Variants in NAT1 observed in about 807,000 individuals in gnomAD.
The protein encoded by NAT1 is arylamine N-acetyltransferase 1.
For synonymous variants in NAT1, 144 were observed against 122.6 expected (o/e 1.17, Z -1.16); for missense variants, 400 against 339.2 (o/e 1.18, Z -1.41).
intron 1 of NAT1, among the ~76,000 whole-genome samples, chr8:18,210,585 T>C (rs967201135): frequency 6.6e-6 from 1 of 152,216 alleles, no homozygotes; most frequent in South Asian, 2.1e-4. Context: ...TCTTGGTTAC[T>C]TGTAACAGTG....
intron 2 of NAT1, among the ~76,000 whole-genome samples, chr8:18,203,296 G>A (rs1803556730): frequency 6.6e-6 from 1 of 152,180 alleles, no homozygotes; most frequent in Non-Finnish European, 1.5e-5. Context: ...TGCCTTTTAT[G>A]TCATGTGTCT....
At chr8:18,193,507 AT>A (rs201004351) in intron 2 of NAT1, among the ~76,000 whole-genome samples, 24,078 of 126,774 alleles carry the variant, frequency 0.19, 2,276 homozygotes, top group East Asian at 0.22. Context: ...TATATATATA[AT>A]ATATATATAT....
chr8:18,204,185 C>CTT (rs1031876566), intron 2 of NAT1, among the ~76,000 whole-genome samples: 2 of 152,076 alleles, frequency 1.3e-5, no homozygotes, highest in African/African-American at 4.8e-5. Flanking sequence ...CTCTCTCTCT[C>CTT]GCAAAGAGCT....
At chr8:18,206,169 G>A (rs1015826950), upstream of NAT1, among the ~76,000 whole-genome samples, 19 of 152,322 alleles carry the variant, frequency 1.2e-4, no homozygotes, top group African/African-American at 4.3e-4. Context: ...GACTCGTGGT[G>A]AAAGTGAGTT....
Position 18,188,293 on chromosome 8 carries a change from A to G in NAT1, n.92+17554A>G, listed in dbSNP as rs142730708. 2.6e-5 allele frequency among the ~76,000 whole-genome samples: 4 copies of G among 152,324 alleles called. No individual in the cohort carries two copies. The East Asian group carries it at 5.8e-4, about 22-fold the overall frequency. On this transcript the variant is annotated intron_variant and non_coding_transcript_variant, in intron 2 of 4. Coordinates refer to the NAT1 transcript ENST00000517441. ...CAAGCCCACCTTCCGGAATCCATTC[A>G]TTAAACAGCTTTATGTCAACTTTGA... is the stretch of plus-strand genomic sequence containing the variant.
intron 2 of NAT1, among the ~76,000 whole-genome samples, chr8:18,204,860 T>A (rs1430301050): frequency 6.6e-6 from 1 of 152,236 alleles, no homozygotes; most frequent in Non-Finnish European, 1.5e-5. Context: ...AGAAATCCTT[T>A]TATCCTATTT....
intron 2 of NAT1, among the ~76,000 whole-genome samples, chr8:18,189,302 C>T (rs994365774): frequency 3.3e-5 from 5 of 152,024 alleles, no homozygotes; most frequent in African/African-American, 1.2e-4. Context: ...GTTTATTGAT[C>T]AGGCACTGTG....
chr8:18,219,560 A>G (rs750551888), intron 2 of NAT1, 71 bp downstream of exon 2: 73 of 775,914 alleles, frequency 9.4e-5, no homozygotes, highest in African/African-American at 3.5e-5. Context: ...TTTAAGTCTT[A>G]TATTTATGAT....
chr8:18,182,609 A>C (rs1185970620), intron 2 of NAT1, among the ~76,000 whole-genome samples: 1 of 152,170 alleles, frequency 6.6e-6, no homozygotes, highest in Non-Finnish European at 1.5e-5. Context: ...TGAGCTCTCT[A>C]TTATTTCCTT....
In NAT1 at chr8:18,223,663, T is replaced by TATTGTTCCATCTTGCTTGCCCC. The variant is rs1352274869; in HGVS notation, c.*744_*765dup. ...TACAAAGTCATTATTTAATAAAAGT[T>TATTGTTCCATCTTGCTTGCCCC]ATTGTTCCATCTTGCTTGCCCCCCC... On this transcript the variant is annotated 3_prime_UTR_variant, in exon 3 of 3. Transcript: ENST00000307719. 1 of 164,876 alleles carries TATTGTTCCATCTTGCTTGCCCC rather than the reference T, an allele frequency of 6.1e-6. No individual in the cohort carries two copies. Among genetic ancestry groups the TATTGTTCCATCTTGCTTGCCCC allele is most frequent in the Non-Finnish European group, 1.5e-5 (1 of 68,040 alleles). The allele number at this position is 164,876 out of a possible 1,614,324, so 10.2% of individuals were successfully genotyped here.
At chr8:18,191,017 G>C (rs1802960964) in intron 2 of NAT1, among the ~76,000 whole-genome samples, 1 of 150,832 alleles carries the variant, frequency 6.6e-6, no homozygotes, top group Non-Finnish European at 1.5e-5. Context: ...AGTGAGCTGA[G>C]ATCACACCAC....
chr8:18,184,322 G>T (rs1354171090), intron 2 of NAT1, among the ~76,000 whole-genome samples: 1 of 152,130 alleles, frequency 6.6e-6, no homozygotes, highest in Non-Finnish European at 1.5e-5. Flanking sequence ...TCAGAGTCCT[G>T]AGACAGCCCT....
At chr8:18,183,136 A>G (rs1563164302) in intron 2 of NAT1, among the ~76,000 whole-genome samples, 2 of 152,168 alleles carry the variant, frequency 1.3e-5, no homozygotes, top group African/African-American at 4.8e-5. Context: ...AGGGGAGAAG[A>G]ACGCTGACTC....
intron 2 of NAT1, among the ~76,000 whole-genome samples, chr8:18,220,933 G>A (rs1424253037): frequency 6.6e-6 from 1 of 152,128 alleles, no homozygotes; most frequent in Non-Finnish European, 1.5e-5. Context: ...CTATCCATAA[G>A]GCGCAATATG....
intron 1 of NAT1, among the ~76,000 whole-genome samples, chr8:18,215,507 G>A (rs1220895074): frequency 5.3e-5 from 8 of 152,060 alleles, no homozygotes; most frequent in Non-Finnish European, 1.2e-4. Flanking sequence ...TCCTTAATTA[G>A]TATTCTAAGG....
upstream of NAT1, among the ~76,000 whole-genome samples, chr8:18,209,239 A>G (rs1803873498): frequency 1.3e-5 from 2 of 152,370 alleles, no homozygotes; most frequent in African/African-American, 2.4e-5. Context: ...AAGCCTTCGC[A>G]TAGAGTCCCG....
intron 2 of NAT1, among the ~76,000 whole-genome samples, chr8:18,185,841 A>G (rs1019644518): frequency 2.6e-5 from 4 of 152,084 alleles, no homozygotes; most frequent in African/African-American, 7.2e-5. Context: ...CCAAAATTTG[A>G]TATGTTACAT....
At chr8:18,170,588 T>G (rs1039478062) in intron 1 of NAT1, 10 of 152,198 alleles carry the variant, frequency 6.6e-5, no homozygotes, top group African/African-American at 2.4e-4. Flanking sequence ...CTGAACCATC[T>G]TCAGTGTAGA....
chr8:18,178,388 A>G (rs935161427), intron 2 of NAT1, among the ~76,000 whole-genome samples: 1 of 152,184 alleles, frequency 6.6e-6, no homozygotes, highest in Admixed American at 6.6e-5. Flanking sequence ...GTATATTAAA[A>G]TGTGTGGCTT....
Sources: allele counts gnomAD v4.1 joint callset (sites outside exome capture counted in the v4.1 genomes callset), GRCh38; gene constraint gnomAD v4.1.1; transcripts MANE v1.5; gene names NCBI Gene and HGNC (gene_info 2026-07-23, HGNC 2026-07-21).